The following AP2B1 variants were observed in gnomAD, a reference collection of about 807,000 sequenced individuals.
The protein encoded by AP2B1 is AP-2 complex subunit beta.
Under a neutral mutation model 102.0 loss-of-function variants are expected in AP2B1, and 23 were observed. That is an observed-to-expected ratio of 0.23 (90% CI 0.16 to 0.32). The LOEUF (loss-of-function observed/expected upper bound fraction) is 0.32. Ranked by LOEUF, AP2B1 falls within the 10% of genes least tolerant of loss-of-function variation. The probability of loss-of-function intolerance (pLI) is 1.00; values close to 1 mark genes in which losing one functional copy is unlikely to be tolerated. For synonymous variants in AP2B1, 381 were observed against 421.2 expected (o/e 0.90, Z 1.17); for missense variants, 541 against 1,157.4 (o/e 0.47, Z 7.73).
intron 9 of AP2B1, among the ~76,000 whole-genome samples, chr17:35,631,594 C>CATTG (rs1296877199): frequency 1.3e-5 from 2 of 151,636 alleles, no homozygotes; most frequent in Non-Finnish European, 2.9e-5. Context: ...ATATCATGGA[C>CATTG]ATTGATCCAC....
In AP2B1 at chr17:35,659,761, C is replaced by T. The variant is rs529562929; in HGVS notation, c.1989+1970C>T. On this transcript the variant is annotated intron_variant, in intron 14 of 21. Transcript: ENST00000610402. The stretch of plus-strand genomic sequence containing the variant: ...ATCTAAAATGGTATCCTTGGTGTTA[C>T]AGCCCCAGAAATTGTTTACAGTGCA... 2.0e-4 allele frequency: 195 copies of T among 979,034 alleles called. 2 individuals are homozygous for T. In the South Asian group the frequency reaches 6.1e-3, roughly 30 times the overall value. 60.6% of individuals were successfully genotyped at this position (979,034 alleles called of 1,614,324 possible).
rs900814612 is a variant in AP2B1 at position 35,671,780 on chromosome 17, G to A, written c.2058G>A (p.Ser686=). Reference sequence around the variant, plus strand: ...TGGGACAATCCTTCATCCCATCATCGGTGCCTGCAACCTTTGCTCCTTCAC... The same window carrying A: ...TGGGACAATCCTTCATCCCATCATCAGTGCCTGCAACCTTTGCTCCTTCAC... ...PAVGQSFIPS[S]VPATFAPSPT... The change falls in exon 16 of 22, where the codon TCG becomes TCA. Residue 686 remains serine, a synonymous_variant. Coordinates refer to ENST00000610402, the MANE Select transcript of AP2B1 (RefSeq NM_001030006.2). 2.2e-5 allele frequency: 36 copies of A among 1,612,208 alleles called. No homozygotes were observed. The highest frequency in any genetic ancestry group is 2.9e-5 in the Non-Finnish European group (34 of 1,179,612).
chr17:35,644,940 G>A (rs1006779495), intron 12 of AP2B1, among the ~76,000 whole-genome samples: 2 of 152,150 alleles, frequency 1.3e-5, no homozygotes, highest in African/African-American at 4.8e-5. Context: ...GTTGAGGTGG[G>A]AGGATCGCTT....
intron 10 of AP2B1, among the ~76,000 whole-genome samples, chr17:35,637,350 A>G (rs1008949747): frequency 2.0e-5 from 3 of 151,966 alleles, no homozygotes; most frequent in African/African-American, 7.3e-5. Context: ...ATGTCTGGCT[A>G]ATTTTTGTAT....
At chr17:35,613,607 A>T (rs1177313825) in intron 5 of AP2B1, among the ~76,000 whole-genome samples, 1 of 152,196 alleles carries the variant, frequency 6.6e-6, no homozygotes, top group Non-Finnish European at 1.5e-5. Flanking sequence ...CCTTTCCTGG[A>T]AGATGAAGGC....
At chr17:35,616,871 A>G (rs1319932538) in intron 5 of AP2B1, among the ~76,000 whole-genome samples, 1 of 152,198 alleles carries the variant, frequency 6.6e-6, no homozygotes, top group African/African-American at 2.4e-5. Context: ...TTGGGTTTGT[A>G]TCCTGGTTCT....
At position 35,650,776 on chromosome 17, in the gene AP2B1, A is replaced by G. The variant is rs755219613; in HGVS notation, c.1783A>G (p.Ile595Val). 1.9e-5 allele frequency: 31 copies of G among 1,614,004 alleles called. No homozygotes were observed. In the East Asian group the frequency reaches 3.1e-4, roughly 16 times the overall value. The change falls in exon 13 of 22, where the codon ATT becomes GTT. Residue 595 changes from isoleucine (I) to valine (V), a missense_variant. This residue lies in a region of AP2B1 where 39 missense variants were observed against 42.0 expected (regional missense o/e 0.93). Coordinates refer to ENST00000610402, the MANE Select transcript of AP2B1 (RefSeq NM_001030006.2). ...TGGAATTCATCGTAAACACTTGCCA[A>G]TTCATCATGGGAGGTAAGAAGGTGT... is the stretch of plus-strand genomic sequence containing the variant. ...SHGIHRKHLP[I>V]HHGSTDAGDS...
At chr17:35,601,402 C>T (rs1036785569) in intron 3 of AP2B1, among the ~76,000 whole-genome samples, 1 of 151,996 alleles carries the variant, frequency 6.6e-6, no homozygotes, top group Non-Finnish European at 1.5e-5. Context: ...CAATCTCGGC[C>T]CACTGCAGCC....
intron 5 of AP2B1, chr17:35,621,429 T>G: frequency 2.5e-6 from 2 of 798,246 alleles, no homozygotes; most frequent in Non-Finnish European, 3.0e-6. Flanking sequence ...GAGATGAAAG[T>G]GTAGAGATAG....
At chr17:35,644,152 G>A (rs2074860338) in intron 12 of AP2B1, among the ~76,000 whole-genome samples, 1 of 152,036 alleles carries the variant, frequency 6.6e-6, no homozygotes, top group African/African-American at 2.4e-5. Flanking sequence ...AATTATTATG[G>A]GGCAGAACTA....
intron 14 of AP2B1, among the ~76,000 whole-genome samples, chr17:35,662,532 G>GTTTTTTT (rs34547701): frequency 2.7e-5 from 3 of 110,106 alleles, no homozygotes; most frequent in Non-Finnish European, 3.8e-5. Context: ...GTTTGGGTTT[G>GTTTTTTT]TTTTTTTTTT....
chr17:35,666,211 A>G (rs2075461873), intron 14 of AP2B1, among the ~76,000 whole-genome samples: 1 of 152,148 alleles, frequency 6.6e-6, no homozygotes. Flanking sequence ...TTAGCCCATA[A>G]GTTACAATAA....
rs540268240 is a variant in AP2B1 at position 35,603,180 on chromosome 17, G to C, written c.144-2525G>C. Among the ~76,000 whole-genome samples the C allele has an allele frequency of 7.9e-5, 12 of 152,236 alleles. No individual in the cohort carries two copies. The East Asian group carries it at 2.3e-3, about 29-fold the overall frequency. ...TATAGGACCATTGTATATACCCTGTGACCAGCTATTTCATTCCCTTTTTTC... is the reference window on the plus strand; with the variant it reads ...TATAGGACCATTGTATATACCCTGTCACCAGCTATTTCATTCCCTTTTTTC... On this transcript the variant is annotated intron_variant, in intron 3 of 21. Coordinates refer to ENST00000610402, the MANE Select transcript of AP2B1 (RefSeq NM_001030006.2).
At chr17:35,607,968 T>C (rs2073742273) in intron 4 of AP2B1, 174 bp from the exon 5 acceptor site, 1 of 724,962 alleles carries the variant, frequency 1.4e-6, no homozygotes, top group African/African-American at 1.8e-5. Flanking sequence ...AACTCTTAAA[T>C]AGGGCAGCTA....
intron 2 of AP2B1, among the ~76,000 whole-genome samples, chr17:35,596,020 C>T (rs532495602): frequency 6.6e-6 from 1 of 152,152 alleles, no homozygotes; most frequent in Admixed American, 6.5e-5. Flanking sequence ...TTTGAGACTG[C>T]AGATTGAATC....
intron 1 of AP2B1, 139 bp from the exon 2 acceptor site, chr17:35,593,869 G>A (rs1028425540): frequency 4.0e-6 from 2 of 502,576 alleles, no homozygotes; most frequent in African/African-American, 2.0e-5. Context: ...CAACGGTGGT[G>A]ATAAAGGAAG....
rs1254942380 is a variant in AP2B1 at position 35,714,217 on chromosome 17, C to T, written c.2627-2978C>T. Reference sequence around the variant, plus strand: ...ATTCTGTTTCATTGTTTTGTTGCGGCTCTCCCCATCCTTTGGAATATTTCA... The same window carrying T: ...ATTCTGTTTCATTGTTTTGTTGCGGTTCTCCCCATCCTTTGGAATATTTCA... On this transcript the variant is annotated intron_variant, in intron 20 of 21. Transcript: ENST00000610402. Among the ~76,000 whole-genome samples the T allele has an allele frequency of 2.6e-5, 4 of 152,162 alleles. No homozygotes were observed. In the East Asian group the frequency reaches 7.7e-4, roughly 29 times the overall value.
intron 1 of AP2B1, among the ~76,000 whole-genome samples, chr17:35,588,212 C>T (rs1200098715): frequency 9.0e-6 from 1 of 110,844 alleles, no homozygotes; most frequent in Non-Finnish European, 1.6e-5. Flanking sequence ...TGCTTGTTTT[C>T]AAGAGTAGTC....
At chr17:35,635,758 G>A (rs1029484377) in intron 9 of AP2B1, among the ~76,000 whole-genome samples, 1 of 152,010 alleles carries the variant, frequency 6.6e-6, no homozygotes, top group Non-Finnish European at 1.5e-5. Context: ...GTACAATGGC[G>A]CGATCTCGGC....
Sources: allele counts gnomAD v4.1 joint callset (sites outside exome capture counted in the v4.1 genomes callset), GRCh38; gene constraint gnomAD v4.1.1; regional missense constraint gnomAD v4.1.1; transcripts MANE v1.5; gene names NCBI Gene and HGNC (gene_info 2026-07-23, HGNC 2026-07-21).